The following MORN4 variants were observed in gnomAD, a reference collection of about 807,000 sequenced individuals.
MORN4 encodes MORN repeat containing 4.
MORN4 carries 8 observed loss-of-function variants against 16.4 expected under a neutral mutation model. The observed-to-expected ratio is 0.49, with a 90% CI of 0.29 to 0.88. MORN4 has a LOEUF of 0.88. MORN4 is among the 40% of genes least tolerant of loss of function. MORN4 has a pLI of 0.09. For missense variants in MORN4, 159 were observed against 182.9 expected, an observed-to-expected ratio of 0.87 and a Z score of 0.75; for synonymous variants, 53 against 68.9, an observed-to-expected ratio of 0.77 and a Z score of 1.14.
intron 1 of MORN4, among the ~76,000 whole-genome samples, chr10:97,620,488 CAAAA>C (rs1210683127): frequency 4.9e-5 from 2 of 41,214 alleles, no homozygotes; most frequent in African/African-American, 1.0e-4. Context: ...GACTCTGTCT[CAAAA>C]AAAAAAAAAA....
rs556730819 is a variant in MORN4, at chr10:97,627,314, T to TA, written c.-31+6032_-31+6033insT. On this transcript the variant is annotated intron_variant, in intron 1 of 4. Transcript: ENST00000307450. ...GTGTGCCACCACGCCTAGCTACTTT[T>TA]TGTATTTTTAGCAGAGACAGGGTTT... Among the ~76,000 whole-genome samples, 417 of 151,710 alleles carry TA rather than the reference T, an allele frequency of 2.7e-3. 2 individuals are homozygous for TA. The highest frequency in any genetic ancestry group is 9.8e-3 in the African/African-American group (403 of 41,326).
chr10:97,625,898 G>T (rs553084353), intron 1 of MORN4, among the ~76,000 whole-genome samples: 1 of 152,214 alleles, frequency 6.6e-6, no homozygotes, highest in Admixed American at 6.5e-5. Context: ...CTCCCAAGTA[G>T]CTAGGACTAT....
In MORN4 at chr10:97,625,632, C is replaced by A. The variant is rs112210919; in HGVS notation, c.-30-5949G>T. On this transcript the variant is annotated intron_variant, in intron 1 of 4. Transcript: ENST00000307450. ...TGCTACCAATGTAATTCAAACAACACTTTGAAAAAGAAAATCTCAGCAATT... is the reference window on the plus strand; with the variant it reads ...TGCTACCAATGTAATTCAAACAACAATTTGAAAAAGAAAATCTCAGCAATT... 5.3e-3 allele frequency among the ~76,000 whole-genome samples: 814 copies of A among 152,260 alleles called. 9 individuals are homozygous for A. Among genetic ancestry groups the A allele is most frequent in the African/African-American group, 0.017 (699 of 41,538 alleles).
intron 1 of MORN4, among the ~76,000 whole-genome samples, chr10:97,631,965 A>G (rs1285703280): frequency 6.6e-6 from 1 of 152,096 alleles, no homozygotes; most frequent in African/African-American, 2.4e-5. Context: ...AAAGCAAAAC[A>G]AAACAAAAGG....
At position 97,616,225 on chromosome 10, in the gene MORN4, C is replaced by T. The variant is rs950218024; in HGVS notation, c.*38G>A. The T allele has an allele frequency of 2.6e-6, 4 of 1,512,572 alleles. No homozygotes were observed. Among genetic ancestry groups the T allele is most frequent in the Non-Finnish European group, 3.5e-6 (4 of 1,131,578 alleles). 93.7% of individuals were successfully genotyped at this position (1,512,572 alleles called of 1,614,324 possible). A position where few individuals can be genotyped will look rare whatever the true frequency, so the allele number is the denominator to read the frequency against. Reference sequence around the variant, plus strand: ...CTCGAATCAACAACAGGGGCACTGGCTTTACCCAATACTTATCAGCTGGTG... The same window carrying T: ...CTCGAATCAACAACAGGGGCACTGGTTTTACCCAATACTTATCAGCTGGTG... On this transcript the variant is annotated 3_prime_UTR_variant, in exon 5 of 5. Transcript: ENST00000307450.
chr10:97,621,944 A>G (rs1328405065), intron 1 of MORN4, among the ~76,000 whole-genome samples: 1 of 152,086 alleles, frequency 6.6e-6, no homozygotes, highest in Admixed American at 6.5e-5. Context: ...TAGATAATGG[A>G]ATGTTCGCAA....
At chr10:97,628,059 C>T (rs981145325) in intron 1 of MORN4, among the ~76,000 whole-genome samples, 7 of 152,286 alleles carry the variant, frequency 4.6e-5, no homozygotes, top group Admixed American at 3.9e-4. Flanking sequence ...TCAGGCAATC[C>T]TCAGCTCTTC....
chr10:97,629,315 G>A (rs1294646474), intron 1 of MORN4, among the ~76,000 whole-genome samples: 1 of 152,180 alleles, frequency 6.6e-6, no homozygotes, highest in African/African-American at 2.4e-5. Context: ...TAACCCAGGA[G>A]GCGGAGGTTG....
At chr10:97,616,809 A>G (rs768813397) in intron 3 of MORN4, 22 bp from the exon 4 acceptor site, 2 of 1,547,652 alleles carry the variant, frequency 1.3e-6, no homozygotes, top group South Asian at 2.2e-5. Flanking sequence ...CCAAGAAGTT[A>G]GCCTTCAGTG....
intron 1 of MORN4, among the ~76,000 whole-genome samples, chr10:97,622,414 G>A (rs575122357): frequency 7.2e-4 from 109 of 152,240 alleles, no homozygotes; most frequent in African/African-American, 2.5e-3. Flanking sequence ...GGAACTGCAC[G>A]GTGGCTCAAA....
chr10:97,623,453 A>G (rs931037199), intron 1 of MORN4, among the ~76,000 whole-genome samples: 6 of 152,172 alleles, frequency 3.9e-5, no homozygotes, highest in African/African-American at 1.4e-4. Flanking sequence ...CCAAAAAAAA[A>G]GTCCCCTCTG....
intron 1 of MORN4, among the ~76,000 whole-genome samples, chr10:97,631,475 T>C (rs1164135056): frequency 6.6e-6 from 1 of 152,188 alleles, no homozygotes; most frequent in Admixed American, 6.6e-5. Context: ...TAATTATTAT[T>C]ATTTTCTTAT....
chr10:97,629,164 G>T (rs554277858), intron 1 of MORN4, among the ~76,000 whole-genome samples: 2 of 152,148 alleles, frequency 1.3e-5, no homozygotes, highest in South Asian at 4.1e-4. Flanking sequence ...GAGGCGGACG[G>T]ATCACCTGAG....
intron 1 of MORN4, among the ~76,000 whole-genome samples, chr10:97,619,969 G>T (rs1276315720): frequency 6.6e-6 from 1 of 152,030 alleles, no homozygotes; most frequent in Non-Finnish European, 1.5e-5. Flanking sequence ...ATATTTATTT[G>T]ATACCTACTA....
intron 1 of MORN4, among the ~76,000 whole-genome samples, chr10:97,622,858 C>CATTTATAT (rs1554876395): frequency 2.9e-5 from 4 of 138,446 alleles, no homozygotes. Context: ...CTTCATCTTT[C>CATTTATAT]ATTTATTTAT....
At chr10:97,617,401 C>T (rs959676517) in intron 2 of MORN4, 79 bp from the exon 3 acceptor site, 1 of 982,596 alleles carries the variant, frequency 1.0e-6, no homozygotes, top group Non-Finnish European at 1.6e-6. Flanking sequence ...GCATCCCTTA[C>T]CTGCCATCAC....
At chr10:97,619,352 A>G in intron 2 of MORN4, 2 of 583,330 alleles carry the variant, frequency 3.4e-6, no homozygotes, top group Non-Finnish European at 3.0e-6. Flanking sequence ...AAACAAAACA[A>G]AAACAGAAGC....
chr10:97,633,484 T>C lies in MORN4; in HGVS notation c.-168A>G, dbSNP rs2041415664. On this transcript the variant is annotated 5_prime_UTR_variant, in exon 1 of 5. The change abolishes an upstream ATG in the 5' untranslated region. Transcript: ENST00000307450. This position sits in a 1 kb window ranked among gnomAD's most constrained non-coding sequence, Gnocchi z 4.5. Reference sequence around the variant, plus strand: ...GCGATTGCCCCACTTGACGCCGCCATCCTGGGCGACCGCACTGGGTACAAT... The same window carrying C: ...GCGATTGCCCCACTTGACGCCGCCACCCTGGGCGACCGCACTGGGTACAAT... 7.8e-7 allele frequency: 1 copy of C among 1,289,838 alleles called. No individual in the cohort carries two copies. The allele number at this position is 1,289,838 out of a possible 1,614,324, so 79.9% of individuals were successfully genotyped here.
At chr10:97,624,837 C>T (rs1200261819) in intron 1 of MORN4, among the ~76,000 whole-genome samples, 1 of 152,172 alleles carries the variant, frequency 6.6e-6, no homozygotes, top group Non-Finnish European at 1.5e-5. Flanking sequence ...GGATTACAGG[C>T]ATGCGCCACC....
Sources: gnomAD v4.1 joint callset for allele counts (sites outside exome capture counted in the v4.1 genomes callset) on GRCh38, gnomAD v4.1.1 for gene constraint, Gnocchi (gnomAD v3.1) non-coding constraint, MANE v1.5 for transcripts, NCBI Gene and HGNC (gene_info 2026-07-23, HGNC 2026-07-21) for gene names.